The following ABCC5 variants were observed in gnomAD, a reference collection of about 807,000 sequenced individuals.
The protein encoded by ABCC5 is ATP-binding cassette sub-family C member 5.
Under a neutral mutation model 160.9 loss-of-function variants are expected in ABCC5, and 61 were observed. That is an observed-to-expected ratio of 0.38 (90% confidence interval 0.31 to 0.47). The LOEUF is 0.47. Ranked by LOEUF, ABCC5 falls within the 20% of genes least tolerant of loss-of-function variation. The pLI is 0.99. For synonymous variants in ABCC5, 666 were observed against 700.6 expected, an observed-to-expected ratio of 0.95 and a Z score of 0.78; for missense variants, 1,308 against 1,813.3, an observed-to-expected ratio of 0.72 and a Z score of 5.06.
At chr3:183,955,599 G>A (rs1169847478) in intron 17 of ABCC5, among the ~76,000 whole-genome samples, 2 of 152,210 alleles carry the variant, frequency 1.3e-5, no homozygotes, top group African/African-American at 4.8e-5. Context: ...TTTTATTTTA[G>A]ATTCAGGGAG....
chr3:183,952,383 G>A (rs1185588166), intron 18 of ABCC5, among the ~76,000 whole-genome samples: 1 of 152,120 alleles, frequency 6.6e-6, no homozygotes, highest in African/African-American at 2.4e-5. Flanking sequence ...CTAGCCCCAA[G>A]TGATCCACCT....
chr3:183,947,847 A>C (rs1714992625), intron 22 of ABCC5, among the ~76,000 whole-genome samples: 1 of 152,248 alleles, frequency 6.6e-6, no homozygotes, highest in Admixed American at 6.5e-5. Context: ...TTAGAAAAAT[A>C]TCTTAGGTCA....
intron 2 of ABCC5, among the ~76,000 whole-genome samples, chr3:184,003,798 C>T (rs1720948294): frequency 6.6e-6 from 1 of 152,198 alleles, no homozygotes; most frequent in South Asian, 2.1e-4. Context: ...TTCCAAGGAA[C>T]TTATTCAAAG....
At chr3:183,933,653 A>G (rs1713398279) in intron 26 of ABCC5, among the ~76,000 whole-genome samples, 1 of 152,226 alleles carries the variant, frequency 6.6e-6, no homozygotes. Flanking sequence ...GCCAGGATGC[A>G]GGTACTAGAA....
At chr3:183,981,066 G>A (rs536505669) in intron 8 of ABCC5, among the ~76,000 whole-genome samples, 1 of 152,234 alleles carries the variant, frequency 6.6e-6, no homozygotes, top group South Asian at 2.1e-4. Flanking sequence ...TCACAGCACT[G>A]GACTCAGCTC....
At chr3:183,956,375 C>T (rs538951492) in intron 17 of ABCC5, among the ~76,000 whole-genome samples, 6 of 150,424 alleles carry the variant, frequency 4.0e-5, no homozygotes, top group Admixed American at 1.3e-4. Context: ...CATGCAGCTC[C>T]GTGTGTAAAT....
intron 24 of ABCC5, 110 bp downstream of exon 24, chr3:183,945,740 A>G (rs1464427417): frequency 1.2e-6 from 1 of 810,776 alleles, no homozygotes; most frequent in African/African-American, 1.7e-5. Context: ...CTGTGGGATT[A>G]GATAGGCAGA....
chr3:183,977,915 G>A (rs1718365487), intron 9 of ABCC5, among the ~76,000 whole-genome samples: 2 of 152,124 alleles, frequency 1.3e-5, no homozygotes, highest in Admixed American at 1.3e-4. Flanking sequence ...ACTATGCCCA[G>A]CTAATTTTTG....
chr3:183,992,595 C>A (rs1719864991), intron 2 of ABCC5, among the ~76,000 whole-genome samples: 1 of 151,936 alleles, frequency 6.6e-6, no homozygotes, highest in Non-Finnish European at 1.5e-5. Flanking sequence ...ACCATCCTGG[C>A]TAACACGGTG....
chr3:183,921,505 T>TG lies in ABCC5; in HGVS notation c.4213-105dup. ...GCCAGTGCCCTCTGAGGGTAGAATC[T>TG]GGGGACAATTCAACTAGCCCTGCGT... On this transcript the variant is annotated intron_variant, in intron 29 of 29. Coordinates refer to ENST00000334444, the MANE Select transcript of ABCC5 (RefSeq NM_005688.4). This position sits in a 1 kb window ranked among gnomAD's most constrained non-coding sequence, Gnocchi z 4.1. 2 of 1,022,690 alleles carry TG rather than the reference T, an allele frequency of 2.0e-6. No homozygotes were observed. Among genetic ancestry groups the TG allele is most frequent in the Non-Finnish European group, 2.7e-6 (2 of 729,594 alleles). The allele number at this position is 1,022,690 out of a possible 1,614,324, so 63.4% of individuals were successfully genotyped here.
In ABCC5 at chr3:183,988,799, T is replaced by G; in HGVS notation, c.288-72A>C. ...AGGGCAGCCCGTGTTTAATGGACAC[T>G]GTTTAGTGAACACAGCTCTTAGCTA... On this transcript the variant is annotated intron_variant, in intron 3 of 29. Coordinates refer to ENST00000334444, the MANE Select transcript of ABCC5 (RefSeq NM_005688.4). The surrounding 1 kb of genome is among the most constrained non-coding windows in gnomAD (Gnocchi z 4.4). The G allele has an allele frequency of 4.7e-6, 7 of 1,484,854 alleles. No homozygotes were observed. Among genetic ancestry groups the G allele is most frequent in the Non-Finnish European group, 6.4e-6 (7 of 1,094,348 alleles). 92.0% of individuals were successfully genotyped at this position (1,484,854 alleles called of 1,614,324 possible). A position where few individuals can be genotyped will look rare whatever the true frequency, so the allele number is the denominator to read the frequency against.
rs1719356684 is a variant in ABCC5, at chr3:183,987,771, G to C, written c.590C>G (p.Pro197Arg). 1 of 1,614,066 alleles carries C rather than the reference G, an allele frequency of 6.2e-7. No homozygotes were observed. The highest frequency in any genetic ancestry group is 8.5e-7 in the Non-Finnish European group (1 of 1,180,040). Residue 197 changes from proline to arginine, a missense_variant and splice_region_variant, in exon 5 of 30, where the codon CCA (proline) becomes CGA (arginine). By Grantham distance (103) the Pro-to-Arg change is moderately radical. Coordinates refer to ENST00000334444, the MANE Select transcript of ABCC5 (RefSeq NM_005688.4). This position sits in a 1 kb window ranked among gnomAD's most constrained non-coding sequence, Gnocchi z 4.2. ...MITQLAGFSG[P>R]AFMVKHLLEY... ...TCGGAAAGGATGGTTAGAACTTACT[G>C]GTCCACTGAAGCCAGCCAGCTGCGT...
chr3:183,968,871 T>G (rs1717474184), intron 11 of ABCC5, among the ~76,000 whole-genome samples: 1 of 152,222 alleles, frequency 6.6e-6, no homozygotes, highest in African/African-American at 2.4e-5. Flanking sequence ...AACCTAATAC[T>G]GTGTCTGTCT....
At chr3:183,935,650 C>T (rs1713636107) in intron 26 of ABCC5, among the ~76,000 whole-genome samples, 1 of 151,684 alleles carries the variant, frequency 6.6e-6, no homozygotes, top group African/African-American at 2.4e-5. Context: ...TAGCTGGGAC[C>T]ACAAGCATGG....
intron 26 of ABCC5, among the ~76,000 whole-genome samples, chr3:183,933,632 G>T (rs1008089557): frequency 6.6e-6 from 1 of 152,230 alleles, no homozygotes; most frequent in Non-Finnish European, 1.5e-5. Flanking sequence ...CACACAGGCA[G>T]ATAAAGGAGG....
At position 183,982,895 on chromosome 3, in the gene ABCC5, G is replaced by A; in HGVS notation, c.704C>T (p.Ser235Leu). Residue 235 changes from serine (S) to leucine (L), a missense_variant, in exon 6 of 30, where the codon TCG becomes TTG. By Grantham distance (145) the Ser-to-Leu change is moderately radical. Transcript: ENST00000334444. This position sits in a 1 kb window ranked among gnomAD's most constrained non-coding sequence, Gnocchi z 5.2. The stretch of plus-strand genomic sequence containing the variant: ...ATTCAATGCCCAAGTCAGTGCAAGC[G>A]ACCAAGACCGCACGATTTCCGTCAG... ...LLLTEIVRSW[S>L]LALTWALNYR... is the part of the protein sequence containing the mutation. 3.1e-6 allele frequency: 5 copies of A among 1,614,182 alleles called. No homozygotes were observed. Among genetic ancestry groups the A allele is most frequent in the Non-Finnish European group, 4.2e-6 (5 of 1,180,028 alleles).
At chr3:183,936,771 G>A (rs1055502064) in intron 26 of ABCC5, among the ~76,000 whole-genome samples, 1 of 152,226 alleles carries the variant, frequency 6.6e-6, no homozygotes, top group African/African-American at 2.4e-5. Flanking sequence ...GCCTCCCAAA[G>A]TGTTGGGATT....
chr3:183,998,620 A>T (rs76664262), intron 2 of ABCC5, among the ~76,000 whole-genome samples: 12,299 of 152,140 alleles, frequency 0.081, 655 homozygotes, highest in Middle Eastern at 0.13. Context: ...CACAGCAGGG[A>T]TTTCAATCCA....
rs966805177 is a variant in ABCC5, at chr3:183,963,851, G to A, written c.2032-263C>T. 1.1e-4 allele frequency among the ~76,000 whole-genome samples: 16 copies of A among 152,212 alleles called. No homozygotes were observed. The highest frequency in any genetic ancestry group is 3.4e-3 in the Middle Eastern group (1 of 294). ...TACATCTGGTCTTGCCAGTCCACCC[G>A]GATGCTCCCCCTCCAATCCATTCTC... On this transcript the variant is annotated intron_variant, in intron 14 of 29. Transcript: ENST00000334444. This position sits in a 1 kb window ranked among gnomAD's most constrained non-coding sequence, Gnocchi z 4.6.
Sources: allele counts gnomAD v4.1 joint callset (sites outside exome capture counted in the v4.1 genomes callset), GRCh38; gene constraint gnomAD v4.1.1; non-coding constraint Gnocchi (gnomAD v3.1); transcripts MANE v1.5; gene names NCBI Gene and HGNC (gene_info 2026-07-23, HGNC 2026-07-21).